MYO1E: variants seen among roughly 807,000 people sequenced by gnomAD.
MYO1E encodes unconventional myosin-Ie.
MYO1E carries 68 observed loss-of-function variants against 151.1 expected under a neutral mutation model. The ratio of observed to expected loss-of-function variants is 0.45; its 90% CI spans 0.37 to 0.55. The LOEUF is 0.55. MYO1E is among the 20% of genes least tolerant of loss of function. MYO1E has a pLI of 0.00. For missense variants in MYO1E, 1,363 were observed against 1,389.3 expected, an observed-to-expected ratio of 0.98 and a Z score of 0.30; for synonymous variants, 601 against 501.7, an observed-to-expected ratio of 1.20 and a Z score of -2.64.
chr15:59,272,817 C>T (rs774502297), intron 1 of MYO1E, among the ~76,000 whole-genome samples: 2 of 152,190 alleles, frequency 1.3e-5, no homozygotes, highest in African/African-American at 4.8e-5. Flanking sequence ...TTGACAGTCT[C>T]GGATGAGACT....
At chr15:59,284,205 CACA>C (rs1410060047) in intron 1 of MYO1E, among the ~76,000 whole-genome samples, 4 of 152,354 alleles carry the variant, frequency 2.6e-5, no homozygotes, top group African/African-American at 9.6e-5. Flanking sequence ...TGACTCACCT[CACA>C]ACATGTTTGC....
chr15:59,185,319 G>A (rs1240980977), intron 18 of MYO1E, among the ~76,000 whole-genome samples: 1 of 152,114 alleles, frequency 6.6e-6, no homozygotes, highest in African/African-American at 2.4e-5. Context: ...CCAGGCTGGA[G>A]TGCAATGGCG....
chr15:59,229,979 G>C (rs916625759), intron 6 of MYO1E, among the ~76,000 whole-genome samples: 2 of 151,974 alleles, frequency 1.3e-5, no homozygotes, highest in Admixed American at 1.3e-4. Flanking sequence ...TAAGCAGGAA[G>C]CTTATGTAAT....
chr15:59,366,168 G>A (rs1340242578), intron 1 of MYO1E, among the ~76,000 whole-genome samples: 1 of 151,854 alleles, frequency 6.6e-6, no homozygotes, highest in Non-Finnish European at 1.5e-5. Context: ...TAGTAGAGAC[G>A]GGGTTTCACC....
chr15:59,171,642 T>G (rs1468437858), intron 22 of MYO1E, among the ~76,000 whole-genome samples: 1 of 152,192 alleles, frequency 6.6e-6, no homozygotes, highest in African/African-American at 2.4e-5. Flanking sequence ...ACGTTTCGGT[T>G]ACAAGAGATC....
intron 1 of MYO1E, among the ~76,000 whole-genome samples, chr15:59,321,541 T>G (rs763070818): frequency 1.3e-5 from 2 of 152,048 alleles, no homozygotes; most frequent in African/African-American, 4.8e-5. Flanking sequence ...GCAACATGGA[T>G]GAAACTGGGG....
chr15:59,285,106 T>C (rs2414635), intron 1 of MYO1E, among the ~76,000 whole-genome samples: 27,978 of 152,136 alleles, frequency 0.18, 2,672 homozygotes, highest in Non-Finnish European at 0.2. Context: ...GATTCAGGAA[T>C]GTAACTTTTC....
intron 11 of MYO1E, 123 bp downstream of exon 11, chr15:59,214,517 G>T: frequency 1.9e-6 from 2 of 1,071,620 alleles, no homozygotes; most frequent in East Asian, 2.4e-5. Context: ...AGCCTGAGTT[G>T]TTTTTTTTGT....
intron 1 of MYO1E, among the ~76,000 whole-genome samples, chr15:59,334,707 A>G (rs2080718141): frequency 6.6e-6 from 1 of 152,226 alleles, no homozygotes; most frequent in African/African-American, 2.4e-5. Flanking sequence ...TTATACAGAG[A>G]TCACTTGGCA....
intron 8 of MYO1E, among the ~76,000 whole-genome samples, chr15:59,224,488 C>A (rs2079976450): frequency 6.6e-6 from 1 of 152,182 alleles, no homozygotes; most frequent in Admixed American, 6.5e-5. Flanking sequence ...TTACCCATCT[C>A]AAATCATTAA....
At chr15:59,176,646 G>A (rs1273039855) in intron 19 of MYO1E, among the ~76,000 whole-genome samples, 1 of 151,922 alleles carries the variant, frequency 6.6e-6, no homozygotes, top group Non-Finnish European at 1.5e-5. Context: ...TTTTTTTGTA[G>A]AGAAGAGGTC....
At chr15:59,343,380 G>T (rs145962084) in intron 1 of MYO1E, among the ~76,000 whole-genome samples, 3 of 151,658 alleles carry the variant, frequency 2.0e-5, no homozygotes, top group Non-Finnish European at 4.4e-5. Flanking sequence ...GCTGCCAGAC[G>T]TGTTGGAGCT....
chr15:59,163,413 C>T (rs2079548821), intron 22 of MYO1E, 110 bp from the exon 23 acceptor site: 9 of 1,099,240 alleles, frequency 8.2e-6, no homozygotes, highest in South Asian at 2.9e-5. Flanking sequence ...TAAGATTTTA[C>T]AGTCTTTCTT....
At chr15:59,325,704 T>A (rs1254339215) in intron 1 of MYO1E, among the ~76,000 whole-genome samples, 1 of 152,236 alleles carries the variant, frequency 6.6e-6, no homozygotes, top group Non-Finnish European at 1.5e-5. Context: ...ATTAAACCAT[T>A]AATTCCTCCA....
chr15:59,216,640 C>A (rs1241110962), intron 10 of MYO1E, among the ~76,000 whole-genome samples: 14 of 22,254 alleles, frequency 6.3e-4, no homozygotes, highest in African/African-American at 2.5e-3. Context: ...TCGAAGGGCC[C>A]CCAGTGTGTG....
chr15:59,132,531 T>C lies in MYO1E; in HGVS notation c.*4849A>G, dbSNP rs749397082. 1 of 152,202 alleles carries C rather than the reference T, an allele frequency of 6.6e-6. No homozygotes were observed. The highest frequency in any genetic ancestry group is 2.4e-5 in the African/African-American group (1 of 41,452). The allele number at this position is 152,202 out of a possible 1,614,324, so 9.4% of individuals were successfully genotyped here. A position where few individuals can be genotyped will look rare whatever the true frequency, so the allele number is the denominator to read the frequency against. ...ATAAAAAAAGACCTTTAAGATACTT[T>C]CTTAGATGGCACAGCAGGCACCCCA... is the stretch of plus-strand genomic sequence containing the variant. On this transcript the variant is annotated 3_prime_UTR_variant, in exon 28 of 28. Coordinates refer to ENST00000288235, the MANE Select transcript of MYO1E (RefSeq NM_004998.4).
chr15:59,260,560 G>T (rs1156767747), intron 3 of MYO1E, among the ~76,000 whole-genome samples: 2 of 152,144 alleles, frequency 1.3e-5, no homozygotes, highest in African/African-American at 4.8e-5. Context: ...GGGAGGCCTG[G>T]GGAAGTGATG....
intron 9 of MYO1E, among the ~76,000 whole-genome samples, chr15:59,219,629 T>C (rs1184056603): frequency 3.3e-5 from 5 of 152,210 alleles, no homozygotes; most frequent in African/African-American, 7.2e-5. Context: ...CTTTGAGCAA[T>C]AGAAGGGCTT....
chr15:59,163,023 A>G, intron 23 of MYO1E, 134 bp downstream of exon 23: 1 of 970,990 alleles, frequency 1.0e-6, no homozygotes, highest in South Asian at 1.4e-5. Flanking sequence ...GCAGGCTCTA[A>G]GGTTCCACTG....
Sources: gnomAD v4.1 joint callset for allele counts (sites outside exome capture counted in the v4.1 genomes callset) on GRCh38, gnomAD v4.1.1 for gene constraint, MANE v1.5 for transcripts, NCBI Gene and HGNC (gene_info 2026-07-23, HGNC 2026-07-21) for gene names.